MGAT3: variants seen among roughly 807,000 people sequenced by gnomAD.
MGAT3 encodes GlcNAc-T III.
In MGAT3, 9 loss-of-function variants were observed where a neutral mutation model predicts 29.8. That is an observed-to-expected ratio of 0.30 (90% confidence interval 0.18 to 0.53). The LOEUF (loss-of-function observed/expected upper bound fraction) is 0.53. MGAT3 is among the 20% of genes least tolerant of loss of function. The pLI, the probability that MGAT3 is intolerant of heterozygous loss-of-function variation, is 0.96. For missense variants in MGAT3, 557 were observed against 769.5 expected, an observed-to-expected ratio of 0.72 and a Z score of 3.27; for synonymous variants, 397 against 348.9, an observed-to-expected ratio of 1.14 and a Z score of -1.54.
At chr22:39,471,053 G>C (rs1928795760) in intron 1 of MGAT3, among the ~76,000 whole-genome samples, 1 of 152,100 alleles carries the variant, frequency 6.6e-6, no homozygotes, top group Non-Finnish European at 1.5e-5. Flanking sequence ...GGCTTTTCCT[G>C]GGCCTCCTTT....
At chr22:39,482,645 TGAAAA>T (rs931854636) in intron 1 of MGAT3, among the ~76,000 whole-genome samples, 1 of 152,138 alleles carries the variant, frequency 6.6e-6, no homozygotes, top group Non-Finnish European at 1.5e-5. Context: ...AATAAAAAAA[TGAAAA>T]GACAAAAAGG....
chr22:39,480,086 T>C (rs765115774), intron 1 of MGAT3, among the ~76,000 whole-genome samples: 2 of 152,076 alleles, frequency 1.3e-5, no homozygotes, highest in Non-Finnish European at 2.9e-5. Flanking sequence ...GGAACATTGA[T>C]GATGATGAGG....
chr22:39,485,556 C>T (rs189174063), intron 1 of MGAT3, among the ~76,000 whole-genome samples: 24 of 152,246 alleles, frequency 1.6e-4, no homozygotes, highest in African/African-American at 5.3e-4. Context: ...TTTGGGAGGT[C>T]GAGGTGGGCG....
In MGAT3 at chr22:39,492,115, G is replaced by C. The variant is rs528384495; in HGVS notation, c.*3166G>C. On this transcript the variant is annotated 3_prime_UTR_variant, in exon 2 of 2. Coordinates refer to ENST00000341184, the MANE Select transcript of MGAT3 (RefSeq NM_002409.5). ...TTCTGAAATCATTTTCTCTGTAAATGGTTGGATTTCATTTCACCCTTAAAG... is the reference window on the plus strand; with the variant it reads ...TTCTGAAATCATTTTCTCTGTAAATCGTTGGATTTCATTTCACCCTTAAAG... 1.2e-5 allele frequency: 2 copies of C among 167,304 alleles called. No individual in the cohort carries two copies. The highest frequency in any genetic ancestry group is 2.9e-5 in the Non-Finnish European group (2 of 68,094). The allele number at this position is 167,304 out of a possible 1,614,324, so 10.4% of individuals were successfully genotyped here.
rs758000013 is a variant in MGAT3 at position 39,488,199 on chromosome 22, C to T, written c.852C>T (p.Asp284=). ...LDHFPPGGRQ[D]GWIADDYLRT... is the part of the protein sequence containing the mutation. ...ACTTCCCGCCCGGCGGCCGGCAGGA[C>T]GGCTGGATCGCCGACGACTACCTGC... is the stretch of plus-strand genomic sequence containing the variant. Residue 284 remains aspartate, a synonymous_variant, in exon 2 of 2, where the codon GAC becomes GAT. Transcript: ENST00000341184. 4 of 1,612,680 alleles carry T rather than the reference C, an allele frequency of 2.5e-6. No homozygotes were observed. Among genetic ancestry groups the T allele is most frequent in the East Asian group, 2.2e-5 (1 of 44,878 alleles).
intron 1 of MGAT3, among the ~76,000 whole-genome samples, chr22:39,478,153 G>A (rs143367523): frequency 3.3e-5 from 5 of 152,368 alleles, no homozygotes; most frequent in South Asian, 2.1e-4. Flanking sequence ...GCTTCAGCGC[G>A]AAGCCCTTTC....
At chr22:39,470,813 C>G (rs765608508) in intron 1 of MGAT3, among the ~76,000 whole-genome samples, 1 of 152,122 alleles carries the variant, frequency 6.6e-6, no homozygotes, top group Non-Finnish European at 1.5e-5. Flanking sequence ...ATAGAGGCAC[C>G]GAGGCCCAGG....
chr22:39,459,863 T>C (rs779191536), intron 1 of MGAT3, among the ~76,000 whole-genome samples: 1 of 152,220 alleles, frequency 6.6e-6, no homozygotes, highest in Non-Finnish European at 1.5e-5. Flanking sequence ...GGCTGCGGTA[T>C]TATTACCTGG....
rs1465106386 is a variant in MGAT3 at position 39,457,611 on chromosome 22, G to T, written c.-2+54G>T. The stretch of plus-strand genomic sequence containing the variant: ...GCCGCGGCCCCTCTATCCCCGCGCT[G>T]CCCGCCCTCCCGCGCTGCGCTTGGC... On this transcript the variant is annotated intron_variant, in intron 1 of 1. Coordinates refer to ENST00000341184, the MANE Select transcript of MGAT3 (RefSeq NM_002409.5). This position sits in a 1 kb window ranked among gnomAD's most constrained non-coding sequence, Gnocchi z 6.8. The T allele has an allele frequency of 6.7e-6, 1 of 149,766 alleles. No homozygotes were observed. Among genetic ancestry groups the T allele is most frequent in the Non-Finnish European group, 1.5e-5 (1 of 67,038 alleles). The allele number at this position is 149,766 out of a possible 1,614,324, so 9.3% of individuals were successfully genotyped here.
chr22:39,467,670 C>T (rs930230488), intron 1 of MGAT3, among the ~76,000 whole-genome samples: 15 of 151,068 alleles, frequency 9.9e-5, no homozygotes, highest in South Asian at 2.1e-4. Flanking sequence ...CGTTTCGTTT[C>T]GTTTTGTTTC....
At chr22:39,465,135 CT>C (rs1242354825) in intron 1 of MGAT3, among the ~76,000 whole-genome samples, 9 of 152,202 alleles carry the variant, frequency 5.9e-5, no homozygotes, top group Non-Finnish European at 1.3e-4. Context: ...CCAGCTCCTG[CT>C]CATCTACGCT....
chr22:39,489,686 C>T lies in MGAT3; in HGVS notation c.*737C>T, dbSNP rs1355738487. ...GGAGCTTTCCTTTTGGTTCTAAACC[C>T]GGCGTTGACGTTCCTTCTCCCTTTC... On this transcript the variant is annotated 3_prime_UTR_variant, in exon 2 of 2. Coordinates refer to ENST00000341184, the MANE Select transcript of MGAT3 (RefSeq NM_002409.5). The T allele has an allele frequency of 2.4e-5, 4 of 167,480 alleles. No homozygotes were observed. Among genetic ancestry groups the T allele is most frequent in the African/African-American group, 7.2e-5 (3 of 41,424 alleles). 10.4% of individuals were successfully genotyped at this position (167,480 alleles called of 1,614,324 possible).
At chr22:39,462,266 G>T (rs1928519705) in intron 1 of MGAT3, among the ~76,000 whole-genome samples, 1 of 152,242 alleles carries the variant, frequency 6.6e-6, no homozygotes, top group South Asian at 2.1e-4. Context: ...ATGCTTCCTG[G>T]TGTTCTTGCT....
At chr22:39,482,211 T>C (rs547416452) in intron 1 of MGAT3, among the ~76,000 whole-genome samples, 1 of 148,574 alleles carries the variant, frequency 6.7e-6, no homozygotes, top group East Asian at 2.0e-4. Flanking sequence ...GGTCTTGAAC[T>C]CCCGGACTCA....
chr22:39,467,181 G>A (rs898503531), intron 1 of MGAT3, among the ~76,000 whole-genome samples: 7 of 152,220 alleles, frequency 4.6e-5, no homozygotes, highest in Non-Finnish European at 7.3e-5. Flanking sequence ...TTAATTCAGC[G>A]AGTGTTGACA....
chr22:39,475,863 C>A (rs1569002693), intron 1 of MGAT3: 2 of 152,310 alleles, frequency 1.3e-5, no homozygotes, highest in Non-Finnish European at 1.5e-5. Context: ...CTTGTCCCAA[C>A]TACTCACGAG....
intron 1 of MGAT3, among the ~76,000 whole-genome samples, chr22:39,473,228 G>T (rs1033756625): frequency 2.0e-5 from 3 of 152,180 alleles, no homozygotes; most frequent in Non-Finnish European, 4.4e-5. Flanking sequence ...AGACTGGGTG[G>T]TCTGTAAACA....
chr22:39,480,057 T>C lies in MGAT3; in HGVS notation c.-1-7290T>C, dbSNP rs1322077044. 3.3e-5 allele frequency among the ~76,000 whole-genome samples: 5 copies of C among 152,220 alleles called. No individual in the cohort carries two copies. In the East Asian group the frequency reaches 9.6e-4, roughly 29 times the overall value. ...GGCTGAGAGAGGTCAGGTGACCTGC[T>C]CTGTTCATAGTGACTATAGGAACAT... On this transcript the variant is annotated intron_variant, in intron 1 of 1. Transcript: ENST00000341184.
In MGAT3 at chr22:39,487,832, G is replaced by A. The variant is rs767386198; in HGVS notation, c.485G>A (p.Arg162Gln). 2.8e-5 allele frequency: 42 copies of A among 1,507,054 alleles called. No individual in the cohort carries two copies. Among genetic ancestry groups the A allele is most frequent in the Non-Finnish European group, 1.1e-5 (13 of 1,131,608 alleles). 93.4% of individuals were successfully genotyped at this position (1,507,054 alleles called of 1,614,324 possible). ...LLSARERTGGRGARRKWVECV... is the reference protein window; with the variant it reads ...LLSARERTGGQGARRKWVECV... Reference sequence around the variant, plus strand: ...AGCGCCCGGGAGCGCACGGGGGGCCGAGGCGCCCGGCGCAAGTGGGTGGAG... The same window carrying A: ...AGCGCCCGGGAGCGCACGGGGGGCCAAGGCGCCCGGCGCAAGTGGGTGGAG... Residue 162 changes from arginine to glutamine, a missense_variant, in exon 2 of 2, where the codon CGA (arginine) becomes CAA (glutamine). Physicochemically the swap from Arg to Gln is conservative, Grantham distance 43. Around this residue, in one of 3 missense-constraint regions of MGAT3, gnomAD observed 212 missense variants for 228.5 expected, o/e 0.93. Transcript: ENST00000341184. The surrounding 1 kb of genome is among the most constrained non-coding windows in gnomAD (Gnocchi z 5.7).
Sources: gnomAD v4.1 joint callset for allele counts (sites outside exome capture counted in the v4.1 genomes callset) on GRCh38, gnomAD v4.1.1 for gene constraint, gnomAD v4.1.1 regional missense constraint, Gnocchi (gnomAD v3.1) non-coding constraint, MANE v1.5 for transcripts, NCBI Gene and HGNC (gene_info 2026-07-23, HGNC 2026-07-21) for gene names.